GRWD1: variants seen among roughly 807,000 people sequenced by gnomAD.
GRWD1 encodes the protein glutamate-rich WD repeat-containing protein 1.
GRWD1 carries 29 observed loss-of-function variants against 45.3 expected under a neutral mutation model. The observed-to-expected ratio is 0.64, with a 90% confidence interval of 0.48 to 0.87. The LOEUF (loss-of-function observed/expected upper bound fraction) is 0.87, where lower values mean the gene tolerates loss of function less well. Ranked by LOEUF, GRWD1 falls within the 40% of genes least tolerant of loss-of-function variation. GRWD1 has a pLI of 0.00. For synonymous variants in GRWD1, 262 were observed against 257.6 expected (o/e 1.02, Z -0.16); for missense variants, 592 against 618.8 (o/e 0.96, Z 0.46).
At position 48,451,225 on chromosome 19, in the gene GRWD1, G is replaced by A. The variant is rs1206295336; in HGVS notation, c.1017G>A (p.Gln339=). 6.3e-7 allele frequency: 1 copy of A among 1,582,882 alleles called. No homozygotes were observed. Among genetic ancestry groups the A allele is most frequent in the African/African-American group, 1.3e-5 (1 of 74,100 alleles). ...CCCTCAAGATCTGGGACCTTCGGCAGTTCAAGGTATTTTCCCAGCCGGACA... is the reference window on the plus strand; with the variant it reads ...CCCTCAAGATCTGGGACCTTCGGCAATTCAAGGTATTTTCCCAGCCGGACA... ...DGALKIWDLR[Q]FKSGSPVATF... is the part of the protein sequence containing the mutation. Residue 339 remains glutamine, a synonymous_variant, in exon 6 of 7, where the codon CAG becomes CAA. Transcript: ENST00000253237.
Position 48,451,246 on chromosome 19 carries a change from G to C in GRWD1, c.1023+15G>C, listed in dbSNP as rs576960117. On this transcript the variant is annotated intron_variant, in intron 6 of 6. Transcript: ENST00000253237. ...GGCAGTTCAAGGTATTTTCCCAGCCGGACACCTGGGGGCTAGAGAAGCTTG... is the reference window on the plus strand; with the variant it reads ...GGCAGTTCAAGGTATTTTCCCAGCCCGACACCTGGGGGCTAGAGAAGCTTG... 2 of 1,553,648 alleles carry C rather than the reference G, an allele frequency of 1.3e-6. No individual in the cohort carries two copies. Among genetic ancestry groups the C allele is most frequent in the Non-Finnish European group, 1.7e-6 (2 of 1,145,398 alleles).
At position 48,450,832 on chromosome 19, in the gene GRWD1, C is replaced by A; in HGVS notation, c.825+24C>A. 3.1e-6 allele frequency: 5 copies of A among 1,603,260 alleles called. No individual in the cohort carries two copies. The South Asian group carries it at 4.4e-5, about 14-fold the overall frequency. On this transcript the variant is annotated intron_variant, in intron 5 of 6. Coordinates refer to ENST00000253237, the MANE Select transcript of GRWD1 (RefSeq NM_031485.4). This position sits in a 1 kb window ranked among gnomAD's most constrained non-coding sequence, Gnocchi z 5.1. ...CGGTGAGGGAGGGTGGGGTTCTGGT[C>A]GTTTAGTTCTGATGGATTCTAGGCC...
At chr19:48,449,550 C>T (rs1971447781) in intron 3 of GRWD1, among the ~76,000 whole-genome samples, 2 of 152,216 alleles carry the variant, frequency 1.3e-5, no homozygotes, top group Non-Finnish European at 2.9e-5. Context: ...CAGGCTGGCA[C>T]AGTGGCTGAT....
At position 48,452,192 on chromosome 19, in the gene GRWD1, T is replaced by C. The variant is rs1971483028; in HGVS notation, c.1024-516T>C. ...TCGGCTCACTGCAACCTCCCGCTCCTGGGTTCAAGCGATTCTCCTGCCTCA... is the reference window on the plus strand; with the variant it reads ...TCGGCTCACTGCAACCTCCCGCTCCCGGGTTCAAGCGATTCTCCTGCCTCA... On this transcript the variant is annotated intron_variant, in intron 6 of 6. Transcript: ENST00000253237. The surrounding 1 kb of genome is among the most constrained non-coding windows in gnomAD (Gnocchi z 5.1). Among the ~76,000 whole-genome samples, 1 of 151,610 alleles carries C rather than the reference T, an allele frequency of 6.6e-6. No homozygotes were observed. Among genetic ancestry groups the C allele is most frequent in the Non-Finnish European group, 1.5e-5 (1 of 67,964 alleles).
chr19:48,448,940 A>G (rs1971440344), intron 3 of GRWD1, among the ~76,000 whole-genome samples: 1 of 152,178 alleles, frequency 6.6e-6, no homozygotes, highest in Non-Finnish European at 1.5e-5. Flanking sequence ...TCTGTTTTAA[A>G]GTGGTCCCTC....
chr19:48,446,934 C>CTTT (rs752488198), intron 3 of GRWD1, 91 bp downstream of exon 3: 40 of 606,604 alleles, frequency 6.6e-5, no homozygotes, highest in Middle Eastern at 5.1e-4. Context: ...TCCTCATGTT[C>CTTT]TTTTTTTTTT....
Position 48,450,510 on chromosome 19 carries a change from G to GT in GRWD1, c.667dup (p.Ser223PhefsTer12). ...TGGGCGAGGGCTTTGCCCTTGACTG[G>GT]TCCCCCCGGGTGACCGGTGAGTCCC... On this transcript the variant is annotated frameshift_variant, in exon 4 of 7. Coordinates refer to ENST00000253237, the MANE Select transcript of GRWD1 (RefSeq NM_031485.4). LOFTEE classifies it high-confidence loss of function. The surrounding 1 kb of genome is among the most constrained non-coding windows in gnomAD (Gnocchi z 5.1). 6.2e-7 allele frequency: 1 copy of GT among 1,614,154 alleles called. No individual in the cohort carries two copies. The highest frequency in any genetic ancestry group is 8.5e-7 in the Non-Finnish European group (1 of 1,180,026).
rs1264616009 is a variant in GRWD1 at position 48,456,797 on chromosome 19, C to G, written c.*3772C>G. On this transcript the variant is annotated 3_prime_UTR_variant, in exon 7 of 7. Transcript: ENST00000253237. ...TGCCCAGCCCTTTCCTTTGGTCCAC[C>G]CTGACAGGCTGCTGCGATTCCCTCC... 6.6e-6 allele frequency: 1 copy of G among 151,994 alleles called. No homozygotes were observed. Among genetic ancestry groups the G allele is most frequent in the Non-Finnish European group, 1.5e-5 (1 of 67,984 alleles). The allele number at this position is 151,994 out of a possible 1,614,324, so 9.4% of individuals were successfully genotyped here. A position where few individuals can be genotyped will look rare whatever the true frequency, so the allele number is the denominator to read the frequency against.
rs773166425 is a variant in GRWD1, at chr19:48,450,807, C to T, written c.824C>T (p.Thr275Met). The T allele has an allele frequency of 1.7e-5, 28 of 1,612,546 alleles. No individual in the cohort carries two copies. In the South Asian group the frequency reaches 2.4e-4, roughly 14 times the overall value. Residue 275 changes from threonine (T) to methionine (M), a missense_variant and splice_region_variant, in exon 5 of 7, where the codon ACG becomes ATG. Coordinates refer to ENST00000253237, the MANE Select transcript of GRWD1 (RefSeq NM_031485.4). The surrounding 1 kb of genome is among the most constrained non-coding windows in gnomAD (Gnocchi z 5.1). Reference sequence around the variant, plus strand: ...CTGCAGTGGTCACCGACTGAGAACACGGTGAGGGAGGGTGGGGTTCTGGTC... The same window carrying T: ...CTGCAGTGGTCACCGACTGAGAACATGGTGAGGGAGGGTGGGGTTCTGGTC... ...EDLQWSPTEN[T>M]VFASCSADAS... is the part of the protein sequence containing the mutation.
At position 48,452,878 on chromosome 19, in the gene GRWD1, C is replaced by CGG; in HGVS notation, c.1195_1196dup (p.Leu400AspfsTer19). The CGG allele has an allele frequency of 6.2e-7, 1 of 1,612,402 alleles. No individual in the cohort carries two copies. On this transcript the variant is annotated frameshift_variant, in exon 7 of 7. Coordinates refer to ENST00000253237, the MANE Select transcript of GRWD1 (RefSeq NM_031485.4). LOFTEE classifies it high-confidence loss of function. This position sits in a 1 kb window ranked among gnomAD's most constrained non-coding sequence, Gnocchi z 5.1. Reference sequence around the variant, plus strand: ...AGGCGGGCGACGTGGAGGCCGACCCCGGACTGGCCGACCTCCCGCAGCAGC... The same window carrying CGG: ...AGGCGGGCGACGTGGAGGCCGACCCCGGGGACTGGCCGACCTCCCGCAGCAGC...
intron 3 of GRWD1, among the ~76,000 whole-genome samples, chr19:48,448,926 G>A (rs1971440299): frequency 6.6e-6 from 1 of 152,172 alleles, no homozygotes; most frequent in African/African-American, 2.4e-5. Flanking sequence ...GACAGGGTCT[G>A]ACTTCTGTTT....
Position 48,450,309 on chromosome 19 carries a change from G to A in GRWD1, c.469-4G>A. 3 of 1,609,104 alleles carry A rather than the reference G, an allele frequency of 1.9e-6. No individual in the cohort carries two copies. The highest frequency in any genetic ancestry group is 2.2e-5 in the South Asian group (2 of 90,680). The stretch of plus-strand genomic sequence containing the variant: ...ATCACCCTTCCCCCACCGCTCTTCT[G>A]CAGGTGTCATGGCTGGGTGAAGAGC... On this transcript the variant is annotated splice_polypyrimidine_tract_variant and splice_region_variant and intron_variant, in intron 3 of 6. Transcript: ENST00000253237. This position sits in a 1 kb window ranked among gnomAD's most constrained non-coding sequence, Gnocchi z 5.1.
intron 3 of GRWD1, 43 bp downstream of exon 3, chr19:48,446,886 C>A: frequency 2.6e-6 from 4 of 1,516,852 alleles, no homozygotes; most frequent in Non-Finnish European, 3.6e-6. Flanking sequence ...CTCTGAAACA[C>A]ATCTGACCCA....
At chr19:48,446,907 C>T (rs1971412187) in intron 3 of GRWD1, 64 bp downstream of exon 3, 1 of 1,325,486 alleles carries the variant, frequency 7.5e-7, no homozygotes, top group African/African-American at 1.5e-5. Flanking sequence ...TCCCCTGTGT[C>T]CATAACTCCC....
chr19:48,446,035 G>T lies in GRWD1; in HGVS notation c.30G>T (p.Thr10=), dbSNP rs777997509. The T allele has an allele frequency of 2.2e-5, 35 of 1,595,588 alleles. No homozygotes were observed. Among genetic ancestry groups the T allele is most frequent in the Non-Finnish European group, 1.6e-5 (19 of 1,172,540 alleles). MAARKGRRR[T]CETGEPMEAE... ...CGGCGCGCAAGGGTCGGCGGCGCAC[G>T]TGTGAAACCGGGGAACCCATGGAAG... is the stretch of plus-strand genomic sequence containing the variant. The change falls in exon 1 of 7, where the codon ACG becomes ACT. Residue 10 remains threonine (T), a synonymous_variant. Transcript: ENST00000253237.
intron 3 of GRWD1, among the ~76,000 whole-genome samples, chr19:48,448,856 G>A (rs1971439884): frequency 6.6e-6 from 1 of 152,132 alleles, no homozygotes; most frequent in Non-Finnish European, 1.5e-5. Flanking sequence ...AGCCTTGTCG[G>A]CCACTGTAAG....
chr19:48,446,069 G>A lies in GRWD1; in HGVS notation c.64G>A (p.Gly22Ser), dbSNP rs1225694085. The stretch of plus-strand genomic sequence containing the variant: ...CGGGGAACCCATGGAAGCCGAGTCC[G>A]GCGACACAAGTTCCGAGGGCCCGGC... ...ETGEPMEAES[G>S]DTSSEGPAQV... Residue 22 changes from glycine to serine, a missense_variant, in exon 1 of 7, where the codon GGC becomes AGC. Physicochemically the swap from Gly to Ser is moderately conservative, Grantham distance 56. Coordinates refer to ENST00000253237, the MANE Select transcript of GRWD1 (RefSeq NM_031485.4). 1.3e-6 allele frequency: 2 copies of A among 1,597,242 alleles called. No individual in the cohort carries two copies. The highest frequency in any genetic ancestry group is 2.3e-5 in the East Asian group (1 of 44,278).
At chr19:48,449,808 G>A (rs969725025) in intron 3 of GRWD1, among the ~76,000 whole-genome samples, 2 of 152,086 alleles carry the variant, frequency 1.3e-5, no homozygotes, top group African/African-American at 4.8e-5. Context: ...GCAACAGAGC[G>A]GGACCCTGTC....
chr19:48,446,571 A>C, intron 2 of GRWD1, 69 bp downstream of exon 2: 1 of 1,576,640 alleles, frequency 6.3e-7, no homozygotes, highest in Non-Finnish European at 8.7e-7. Context: ...CCCAGGAGTT[A>C]GGGCTTCCAG....
Sources: allele counts gnomAD v4.1 joint callset (sites outside exome capture counted in the v4.1 genomes callset), GRCh38; gene constraint gnomAD v4.1.1; non-coding constraint Gnocchi (gnomAD v3.1); transcripts MANE v1.5; gene names NCBI Gene and HGNC (gene_info 2026-07-23, HGNC 2026-07-21).